Variants in MORC3 observed in about 807,000 individuals in gnomAD.
MORC3 encodes the protein MORC family CW-type zinc finger protein 3.
MORC3 carries 31 observed loss-of-function variants against 109.1 expected under a neutral mutation model. The ratio of observed to expected loss-of-function variants is 0.28; its 90% CI spans 0.21 to 0.38. The LOEUF (loss-of-function observed/expected upper bound fraction) is 0.38, where lower values mean the gene tolerates loss of function less well. Among genes scored for constraint, MORC3 ranks in the 10% least tolerant of loss-of-function variants. The pLI, the probability that MORC3 is intolerant of heterozygous loss-of-function variation, is 1.00. For missense variants in MORC3, 867 were observed against 1,135.8 expected (o/e 0.76, Z 3.40); for synonymous variants, 395 against 380.7 (o/e 1.04, Z -0.44).
intron 8 of MORC3, among the ~76,000 whole-genome samples, chr21:36,347,312 T>A (rs2085520101): frequency 6.6e-6 from 1 of 152,228 alleles, no homozygotes; most frequent in Non-Finnish European, 1.5e-5. Flanking sequence ...TATAGCATAT[T>A]TGCAGAAGTA....
chr21:36,334,564 A>G (rs1480133983), intron 2 of MORC3, among the ~76,000 whole-genome samples: 1 of 152,180 alleles, frequency 6.6e-6, no homozygotes, highest in South Asian at 2.1e-4. Context: ...CCTCAGGAGT[A>G]TCTGGGATGA....
At chr21:36,331,773 T>C (rs2085317843) in intron 1 of MORC3, among the ~76,000 whole-genome samples, 1 of 152,192 alleles carries the variant, frequency 6.6e-6, no homozygotes, top group Non-Finnish European at 1.5e-5. Flanking sequence ...TAAGATGCAA[T>C]GCAAATTTGT....
rs149642268 is a variant in MORC3, at chr21:36,364,333, A to G, written c.1619+74A>G. ...TTTACTTGACACTTCTGTGACAGTG[A>G]TGCAATTCGGGATCATTGTAGGTTC... On this transcript the variant is annotated intron_variant, in intron 14 of 16. Transcript: ENST00000400485. The G allele has an allele frequency of 6.5e-3, 9,524 of 1,465,946 alleles. 34 individuals carry two copies. Among genetic ancestry groups the G allele is most frequent in the Non-Finnish European group, 7.3e-3 (7,803 of 1,064,682 alleles). The allele number at this position is 1,465,946 out of a possible 1,614,324, so 90.8% of individuals were successfully genotyped here. A position where few individuals can be genotyped will look rare whatever the true frequency, so the allele number is the denominator to read the frequency against.
intron 15 of MORC3, among the ~76,000 whole-genome samples, chr21:36,370,633 A>ATTTTTTTTTTTTTTTTTTTTTTTT (rs2085848041): frequency 4.3e-5 from 2 of 46,480 alleles, no homozygotes; most frequent in Non-Finnish European, 7.7e-5. Flanking sequence ...ATATATATAT[A>ATTTTTTTTTTTTTTTTTTTTTTTT]TATATATTTT....
intron 15 of MORC3, among the ~76,000 whole-genome samples, chr21:36,370,132 C>T (rs2085838424): frequency 6.6e-6 from 1 of 152,114 alleles, no homozygotes; most frequent in Non-Finnish European, 1.5e-5. Context: ...CACTTGAACC[C>T]AGGAGGCGGA....
chr21:36,352,382 G>C (rs1226311148), intron 9 of MORC3, among the ~76,000 whole-genome samples: 1 of 101,518 alleles, frequency 9.9e-6, no homozygotes, highest in Non-Finnish European at 2.1e-5. Context: ...AATGTAATAA[G>C]GCCAAAAAAA....
At chr21:36,358,285 T>C (rs2085669165) in intron 10 of MORC3, among the ~76,000 whole-genome samples, 1 of 151,784 alleles carries the variant, frequency 6.6e-6, no homozygotes, top group Non-Finnish European at 1.5e-5. Flanking sequence ...CTTGGGAGGC[T>C]GAGGCAGGAG....
chr21:36,367,999 A>G (rs1275250789), intron 14 of MORC3, among the ~76,000 whole-genome samples: 1 of 152,218 alleles, frequency 6.6e-6, no homozygotes, highest in Non-Finnish European at 1.5e-5. Flanking sequence ...ATGCTGTTGC[A>G]GGCTGTGCTC....
Position 36,353,747 on chromosome 21 carries a change from ATTTTTGTATT to A in MORC3, c.1104-2867_1104-2858del, listed in dbSNP as rs1276915374. On this transcript the variant is annotated intron_variant, in intron 9 of 16. Transcript: ENST00000400485. ...AGGCACCTGCCACCAAGCCCGGCTA[ATTTTTGTATT>A]TTTTTTTTTTTTTTTTTTTTAGTAA... Among the ~76,000 whole-genome samples, 303 of 65,512 alleles carry A rather than the reference ATTTTTGTATT, an allele frequency of 4.6e-3. 4 individuals are homozygous for A. Among genetic ancestry groups the A allele is most frequent in the African/African-American group, 0.024 (279 of 11,600 alleles). The allele number at this position is 65,512 out of a possible 152,430, so 43.0% of individuals were successfully genotyped here.
chr21:36,328,487 C>T (rs1323484046), intron 1 of MORC3, among the ~76,000 whole-genome samples: 2 of 151,624 alleles, frequency 1.3e-5, no homozygotes, highest in East Asian at 2.0e-4. Context: ...GACACAGGCG[C>T]GCACCACCAC....
At chr21:36,347,286 A>C (rs981181102) in intron 8 of MORC3, among the ~76,000 whole-genome samples, 2 of 152,228 alleles carry the variant, frequency 1.3e-5, no homozygotes, top group African/African-American at 4.8e-5. Flanking sequence ...CCTACTTTAC[A>C]TGGCATGAGC....
intron 1 of MORC3, among the ~76,000 whole-genome samples, chr21:36,325,376 G>C (rs1472702214): frequency 1.3e-5 from 2 of 152,162 alleles, no homozygotes; most frequent in Non-Finnish European, 2.9e-5. Flanking sequence ...CTAGCTCTTG[G>C]AAATTGGCAT....
intron 13 of MORC3, among the ~76,000 whole-genome samples, chr21:36,363,148 G>T (rs1279046631): frequency 6.6e-6 from 1 of 152,096 alleles, no homozygotes; most frequent in Non-Finnish European, 1.5e-5. Flanking sequence ...TTTTAGCCGT[G>T]GTGGCTCATG....
chr21:36,341,240 T>C (rs2085442074), intron 5 of MORC3, among the ~76,000 whole-genome samples, 159 bp from the exon 6 acceptor site: 1 of 152,190 alleles, frequency 6.6e-6, no homozygotes, highest in South Asian at 2.1e-4. Context: ...AGGATCCGTT[T>C]TCTTTCTTTT....
chr21:36,337,955 T>C lies in MORC3; in HGVS notation c.460+9T>C. 6.2e-7 allele frequency: 1 copy of C among 1,609,496 alleles called. No individual in the cohort carries two copies. The highest frequency in any genetic ancestry group is 8.5e-7 in the Non-Finnish European group (1 of 1,178,214). ...GGCATTCAACAAGCACCATATCCTT[T>C]TGGTTGTGAAATAAAAGCTGTGGAG... On this transcript the variant is annotated intron_variant, in intron 4 of 16. Transcript: ENST00000400485.
chr21:36,370,958 C>G (rs187568512), intron 15 of MORC3, among the ~76,000 whole-genome samples: 318 of 152,204 alleles, frequency 2.1e-3, no homozygotes, highest in African/African-American at 7.0e-3. Context: ...CGTGAGCCCC[C>G]ATGCCTGGCC....
Position 36,364,207 on chromosome 21 carries a change from A to G in MORC3, c.1567A>G (p.Arg523Gly). The G allele has an allele frequency of 6.2e-7, 1 of 1,614,184 alleles. No individual in the cohort carries two copies. Among genetic ancestry groups the G allele is most frequent in the South Asian group, 1.1e-5 (1 of 91,090 alleles). The change falls in exon 14 of 17, where the codon AGA (arginine) becomes GGA (glycine). Residue 523 changes from arginine to glycine, a missense_variant. By Grantham distance (125) the Arg-to-Gly change is moderately radical. Coordinates refer to ENST00000400485, the MANE Select transcript of MORC3 (RefSeq NM_015358.3). Reference sequence around the variant, plus strand: ...AGAAGGAACAAATTCTTATGCGACAAGACTTCTAAATAATCATCAAGTTCC... The same window carrying G: ...AGAAGGAACAAATTCTTATGCGACAGGACTTCTAAATAATCATCAAGTTCC... The part of the protein sequence containing the change: ...LSEGTNSYAT[R>G]LLNNHQVPPQ...
chr21:36,375,087 T>C (rs764117401), intron 16 of MORC3, 56 bp from the exon 17 acceptor site: 2 of 1,505,688 alleles, frequency 1.3e-6, no homozygotes, highest in Non-Finnish European at 1.8e-6. Context: ...TTTTAAGGTC[T>C]ACATGAATCT....
Position 36,356,665 on chromosome 21 carries a change from T to C in MORC3, c.1149T>C (p.Asn383=). The C allele has an allele frequency of 6.2e-7, 1 of 1,608,532 alleles. No individual in the cohort carries two copies. The highest frequency in any genetic ancestry group is 8.5e-7 in the Non-Finnish European group (1 of 1,177,716). ...ALGEKLNDYW[N]EMKVKKNTEY... ...GAGAAAAGCTGAATGATTACTGGAA[T>C]GAAATGAAAGTGAAGAAAAATACAG... is the stretch of plus-strand genomic sequence containing the variant. The change falls in exon 10 of 17, where the codon AAT becomes AAC. Residue 383 remains asparagine (N), a synonymous_variant. Transcript: ENST00000400485.
Sources: allele counts gnomAD v4.1 joint callset (sites outside exome capture counted in the v4.1 genomes callset), GRCh38; gene constraint gnomAD v4.1.1; transcripts MANE v1.5; gene names NCBI Gene and HGNC (gene_info 2026-07-23, HGNC 2026-07-21).